Variants in RAB10 observed in about 807,000 individuals in gnomAD.
RAB10 encodes ras-related protein Rab-10.
A neutral mutation model predicts 25.7 loss-of-function variants in RAB10; 5 were observed. The ratio of observed to expected loss-of-function variants is 0.19; its 90% CI spans 0.10 to 0.41. The LOEUF (loss-of-function observed/expected upper bound fraction) is 0.41, where lower values mean the gene tolerates loss of function less well. RAB10 is among the 10% of genes least tolerant of loss of function. The pLI, the probability that RAB10 is intolerant of heterozygous loss-of-function variation, is 1.00. For missense variants in RAB10, 103 were observed against 245.8 expected (o/e 0.42, Z 3.89); for synonymous variants, 89 against 86.4 (o/e 1.03, Z -0.16).
intron 5 of RAB10, among the ~76,000 whole-genome samples, chr2:26,130,891 A>G (rs1452871154): frequency 6.6e-6 from 1 of 152,196 alleles, no homozygotes; most frequent in Non-Finnish European, 1.5e-5. Context: ...AGACCAGGAT[A>G]AGACTGGCAG....
chr2:26,136,034 T>C lies in RAB10; in HGVS notation c.*1013T>C, dbSNP rs2149292126. ...TTCATTTGCTGTTTTACTTCTATGT[T>C]CTGCTTTTCCTCCTCTCTTTGTTCC... On this transcript the variant is annotated 3_prime_UTR_variant, in exon 6 of 6. Transcript: ENST00000264710. 1 of 152,836 alleles carries C rather than the reference T, an allele frequency of 6.5e-6. No individual in the cohort carries two copies. The highest frequency in any genetic ancestry group is 3.4e-3 in the Middle Eastern group (1 of 294). 9.5% of individuals were successfully genotyped at this position (152,836 alleles called of 1,614,324 possible).
chr2:26,071,191 C>T (rs1458195073), intron 1 of RAB10, among the ~76,000 whole-genome samples: 1 of 152,086 alleles, frequency 6.6e-6, no homozygotes, highest in Non-Finnish European at 1.5e-5. Flanking sequence ...GCACTTCTGC[C>T]TCGTTTTGAG....
At chr2:26,081,461 G>A (rs1195002680) in intron 1 of RAB10, among the ~76,000 whole-genome samples, 1 of 152,188 alleles carries the variant, frequency 6.6e-6, no homozygotes, top group Non-Finnish European at 1.5e-5. Flanking sequence ...GAAAGAAAGG[G>A]AAAGACTGAG....
In RAB10 at chr2:26,113,726, T is replaced by A. The variant is rs1415889843; in HGVS notation, c.327+3820T>A. Among the ~76,000 whole-genome samples the A allele has an allele frequency of 1.4e-4, 20 of 140,562 alleles. No individual in the cohort carries two copies. The East Asian group carries it at 3.1e-3, about 22-fold the overall frequency. 92.2% of individuals were successfully genotyped at this position (140,562 alleles called of 152,430 possible). On this transcript the variant is annotated intron_variant, in intron 3 of 5. Transcript: ENST00000264710. ...TGGCCACTTCTGTTCAACATTATGC[T>A]GAGTTCCAGCCAGAGCTAAAAAAAA... is the stretch of plus-strand genomic sequence containing the variant.
chr2:26,127,751 C>T (rs1667933371), intron 4 of RAB10, 99 bp from the exon 5 acceptor site: 1 of 784,180 alleles, frequency 1.3e-6, no homozygotes, highest in Admixed American at 2.2e-5. Context: ...CTAGTTGGGA[C>T]CACTGCCTTC....
At chr2:26,127,529 A>G (rs990644517) in intron 4 of RAB10, among the ~76,000 whole-genome samples, 2 of 152,190 alleles carry the variant, frequency 1.3e-5, no homozygotes, top group Non-Finnish European at 2.9e-5. Context: ...AAATGTATCA[A>G]TTAGTATGGT....
chr2:26,133,471 G>A (rs1240585206), intron 5 of RAB10, among the ~76,000 whole-genome samples: 3 of 152,158 alleles, frequency 2.0e-5, no homozygotes, highest in Non-Finnish European at 4.4e-5. Context: ...TGGCAGGAAA[G>A]GGGCACAAGG....
Position 26,034,371 on chromosome 2 carries a change from C to T in RAB10, c.-238C>T. The T allele has an allele frequency of 5.0e-6, 3 of 596,508 alleles. No individual in the cohort carries two copies. The allele number at this position is 596,508 out of a possible 1,614,324, so 37.0% of individuals were successfully genotyped here. A position where few individuals can be genotyped will look rare whatever the true frequency, so the allele number is the denominator to read the frequency against. On this transcript the variant is annotated 5_prime_UTR_variant, in exon 1 of 6. Coordinates refer to ENST00000264710, the MANE Select transcript of RAB10 (RefSeq NM_016131.5). ...TTTTGTCCCGACCGACTCCCCGGAA[C>T]CGGGCGGACGGGCTGGGAGAGGCTG... is the stretch of plus-strand genomic sequence containing the variant.
At chr2:26,048,761 G>T (rs777994906) in intron 1 of RAB10, among the ~76,000 whole-genome samples, 1 of 152,186 alleles carries the variant, frequency 6.6e-6, no homozygotes, top group Non-Finnish European at 1.5e-5. Flanking sequence ...TGTAGTTTCA[G>T]CTATCTGAGA....
intron 2 of RAB10, among the ~76,000 whole-genome samples, chr2:26,105,811 T>C (rs6546766): frequency 0.77 from 116,548 of 152,074 alleles, 44,731 homozygotes; most frequent in East Asian, 0.87. Flanking sequence ...TTCTATGTTT[T>C]GACATATTTA....
intron 1 of RAB10, among the ~76,000 whole-genome samples, chr2:26,057,288 G>T (rs1382109354): frequency 6.6e-6 from 1 of 152,124 alleles, no homozygotes; most frequent in East Asian, 1.9e-4. Context: ...AGGAAGCTGG[G>T]CATGGTGGTG....
At chr2:26,050,492 G>A (rs958471060) in intron 1 of RAB10, among the ~76,000 whole-genome samples, 3 of 151,954 alleles carry the variant, frequency 2.0e-5, no homozygotes, top group African/African-American at 7.2e-5. Flanking sequence ...TGTTGTTCTG[G>A]GTACTGGGTG....
At chr2:26,098,613 G>A (rs1035221909) in intron 1 of RAB10, 49 bp from the exon 2 acceptor site, 3 of 1,385,012 alleles carry the variant, frequency 2.2e-6, no homozygotes, top group Middle Eastern at 1.9e-4. Flanking sequence ...TTTTAGTATA[G>A]CCAAATGTAA....
At chr2:26,093,608 G>A (rs1273444278) in intron 1 of RAB10, among the ~76,000 whole-genome samples, 1 of 152,092 alleles carries the variant, frequency 6.6e-6, no homozygotes, top group South Asian at 2.1e-4. Context: ...ACTGAATCTC[G>A]AAAGATAAAT....
chr2:26,082,183 C>T (rs1315745390), intron 1 of RAB10, among the ~76,000 whole-genome samples: 1 of 151,864 alleles, frequency 6.6e-6, no homozygotes, highest in Admixed American at 6.6e-5. Context: ...AATAATAGCC[C>T]AATGATGGGA....
At chr2:26,063,095 A>T (rs1666442840) in intron 1 of RAB10, among the ~76,000 whole-genome samples, 1 of 147,406 alleles carries the variant, frequency 6.8e-6, no homozygotes, top group Non-Finnish European at 1.5e-5. Context: ...ACCTTGGGCG[A>T]CAAGAGTGAA....
rs1315116129 is a variant in RAB10, at chr2:26,052,246, C to T, written c.127+17511C>T. Among the ~76,000 whole-genome samples the T allele has an allele frequency of 2.0e-5, 3 of 151,148 alleles. No homozygotes were observed. The East Asian group carries it at 5.9e-4, about 30-fold the overall frequency. On this transcript the variant is annotated intron_variant, in intron 1 of 5. Transcript: ENST00000264710. ...ATTTAAAAAAAGAAAAGTAACTGAT[C>T]ATGGTGGTTCACGCCTGTAGTCCCA...
At chr2:26,091,773 A>G (rs1667111306) in intron 1 of RAB10, among the ~76,000 whole-genome samples, 1 of 152,124 alleles carries the variant, frequency 6.6e-6, no homozygotes, top group Non-Finnish European at 1.5e-5. Flanking sequence ...GGTCAGAGAG[A>G]TGAGGAGAAA....
At chr2:26,110,056 GC>G in intron 3 of RAB10, 150 bp downstream of exon 3, 1 of 980,038 alleles carries the variant, frequency 1.0e-6, no homozygotes, top group Non-Finnish European at 1.4e-6. Flanking sequence ...GTTAATGTTG[GC>G]CGGGCATGGT....
Sources: allele counts gnomAD v4.1 joint callset (sites outside exome capture counted in the v4.1 genomes callset), GRCh38; gene constraint gnomAD v4.1.1; transcripts MANE v1.5; gene names NCBI Gene and HGNC (gene_info 2026-07-23, HGNC 2026-07-21).